RLF: variants seen among roughly 807,000 people sequenced by gnomAD.
The protein encoded by RLF is RLF zinc finger.
RLF carries 7 observed loss-of-function variants against 162.9 expected under a neutral mutation model. The ratio of observed to expected loss-of-function variants is 0.04; its 90% CI spans 0.02 to 0.08. The LOEUF (loss-of-function observed/expected upper bound fraction) is 0.08. RLF is among the 10% of genes least tolerant of loss of function. The probability of loss-of-function intolerance (pLI) is 1.00; values close to 1 mark genes in which losing one functional copy is unlikely to be tolerated. For synonymous variants in RLF, 782 were observed against 791.5 expected, an observed-to-expected ratio of 0.99 and a Z score of 0.20; for missense variants, 1,664 against 2,244.7, an observed-to-expected ratio of 0.74 and a Z score of 5.23.
chr1:40,178,969 G>T (rs1355648260), intron 1 of RLF, among the ~76,000 whole-genome samples: 6 of 152,034 alleles, frequency 3.9e-5, no homozygotes, highest in Admixed American at 3.3e-4. Flanking sequence ...TCAGTAGTTG[G>T]GACTACAGGC....
chr1:40,225,144 A>C (rs970233411), intron 6 of RLF, among the ~76,000 whole-genome samples: 1 of 152,178 alleles, frequency 6.6e-6, no homozygotes, highest in Admixed American at 6.5e-5. Flanking sequence ...AGATATCAGT[A>C]TTTTTTAAAT....
intron 5 of RLF, among the ~76,000 whole-genome samples, chr1:40,205,770 C>T (rs1333602157): frequency 2.0e-5 from 3 of 152,148 alleles, no homozygotes; most frequent in Non-Finnish European, 2.9e-5. Context: ...GGATTACAGG[C>T]GTGAGCCACG....
intron 1 of RLF, among the ~76,000 whole-genome samples, chr1:40,187,726 A>G (rs1642501035): frequency 6.6e-6 from 1 of 151,964 alleles, no homozygotes; most frequent in Non-Finnish European, 1.5e-5. Context: ...CTTTTTTTAA[A>G]TGTTAAAGTA....
chr1:40,163,670 T>C (rs1371707984), intron 1 of RLF, among the ~76,000 whole-genome samples: 1 of 152,224 alleles, frequency 6.6e-6, no homozygotes, highest in East Asian at 1.9e-4. Flanking sequence ...CAAGTATTCC[T>C]GTAACACTGT....
chr1:40,238,899 C>T lies in RLF; in HGVS notation c.4197C>T (p.Ser1399=), dbSNP rs892063799. Residue 1399 remains serine (S), a synonymous_variant, in exon 8 of 8, where the codon TCC becomes TCT. Transcript: ENST00000372771. This position sits in a 1 kb window ranked among gnomAD's most constrained non-coding sequence, Gnocchi z 5.2. ...LDHIEEPKVL[S]EAGSAARFSC... ...ATATTGAAGAGCCTAAAGTACTTTCCGAAGCTGGATCTGCAGCAAGGTTTT... is the reference window on the plus strand; with the variant it reads ...ATATTGAAGAGCCTAAAGTACTTTCTGAAGCTGGATCTGCAGCAAGGTTTT... The T allele has an allele frequency of 1.1e-5, 18 of 1,614,060 alleles. No homozygotes were observed. The highest frequency in any genetic ancestry group is 1.4e-5 in the Non-Finnish European group (16 of 1,180,032).
chr1:40,240,086 A>T lies in RLF; in HGVS notation c.5384A>T (p.His1795Leu). The change falls in exon 8 of 8, where the codon CAC becomes CTC. Residue 1795 changes from histidine (H) to leucine (L), a missense_variant. His to Leu is a moderately conservative substitution (Grantham distance 99, BLOSUM62 -3). Around this residue, in one of 15 missense-constraint regions of RLF, gnomAD observed 327 missense variants for 342.7 expected, o/e 0.95. Coordinates refer to ENST00000372771, the MANE Select transcript of RLF (RefSeq NM_012421.4). ...DDFDDWEPSE[H>L]LTLSNSSQSS... ...TTTGATGATTGGGAGCCTTCAGAGC[A>T]CTTAACATTAAGTAATTCTTCACAG... 1 of 1,614,114 alleles carries T rather than the reference A, an allele frequency of 6.2e-7. No homozygotes were observed. The highest frequency in any genetic ancestry group is 8.5e-7 in the Non-Finnish European group (1 of 1,179,958).
In RLF at chr1:40,239,588, C is replaced by T. The variant is rs34123123; in HGVS notation, c.4886C>T (p.Pro1629Leu). 8.3e-4 allele frequency: 1,342 copies of T among 1,614,098 alleles called. 12 individuals carry two copies. The African/African-American group carries it at 0.016, about 20-fold the overall frequency. Reference protein sequence around the residue: ...ESERTEHSHSPGDSSAPIQNT... With the variant: ...ESERTEHSHSLGDSSAPIQNT... ...GAGCGCACAGAACACAGCCATTCCC[C>T]GGGTGACAGTAGTGCACCCATCCAG... Residue 1629 changes from proline (P) to leucine (L), a missense_variant, in exon 8 of 8, where the codon CCG becomes CTG. Pro to Leu is a moderately conservative substitution (Grantham distance 98). Transcript: ENST00000372771.
At chr1:40,177,448 C>T (rs1642343140) in intron 1 of RLF, among the ~76,000 whole-genome samples, 1 of 151,998 alleles carries the variant, frequency 6.6e-6, no homozygotes, top group South Asian at 2.1e-4. Flanking sequence ...CGCCACCACG[C>T]CTGGCTAATT....
intron 5 of RLF, among the ~76,000 whole-genome samples, chr1:40,211,324 G>T (rs1205841737): frequency 1.6e-4 from 24 of 152,178 alleles, no homozygotes; most frequent in Non-Finnish European, 1.5e-5. Flanking sequence ...TAATTAGAAA[G>T]GCCAAGCCCA....
At chr1:40,165,525 T>C (rs1642152574) in intron 1 of RLF, among the ~76,000 whole-genome samples, 1 of 152,208 alleles carries the variant, frequency 6.6e-6, no homozygotes, top group South Asian at 2.1e-4. Context: ...ATCCCTTCTG[T>C]GAAGCTTTTC....
intron 1 of RLF, among the ~76,000 whole-genome samples, chr1:40,179,753 C>T (rs1190475314): frequency 6.6e-6 from 1 of 152,128 alleles, no homozygotes; most frequent in Non-Finnish European, 1.5e-5. Flanking sequence ...ACTCCCCATT[C>T]CCTTTTTTCT....
At chr1:40,195,802 T>C (rs374382042) in intron 4 of RLF, 38 bp downstream of exon 4, 150 of 1,579,442 alleles carry the variant, frequency 9.5e-5, no homozygotes, top group Middle Eastern at 7.2e-4. Flanking sequence ...GATTTAGTTC[T>C]GAGAACGTTG....
At chr1:40,191,709 C>A (rs893613207) in intron 3 of RLF, among the ~76,000 whole-genome samples, 2 of 152,046 alleles carry the variant, frequency 1.3e-5, no homozygotes, top group Non-Finnish European at 2.9e-5. Context: ...AGGGCTCATC[C>A]CTAAAATAAT....
chr1:40,208,224 G>T (rs1642822105), intron 5 of RLF, among the ~76,000 whole-genome samples: 1 of 152,216 alleles, frequency 6.6e-6, no homozygotes, highest in Non-Finnish European at 1.5e-5. Flanking sequence ...TTACACAGGA[G>T]CACAGATACG....
intron 5 of RLF, among the ~76,000 whole-genome samples, chr1:40,213,287 AT>A (rs1642885661): frequency 6.6e-6 from 1 of 152,096 alleles, no homozygotes; most frequent in South Asian, 2.1e-4. Context: ...ATGTGTGGGT[AT>A]TTTGGTTGGT....
At position 40,239,002 on chromosome 1, in the gene RLF, A is replaced by C; in HGVS notation, c.4300A>C (p.Ile1434Leu). The C allele has an allele frequency of 6.2e-7, 1 of 1,614,186 alleles. No homozygotes were observed. The highest frequency in any genetic ancestry group is 8.5e-7 in the Non-Finnish European group (1 of 1,180,006). The change falls in exon 8 of 8, where the codon ATT becomes CTT. Residue 1434 changes from isoleucine (I) to leucine (L), a missense_variant. Transcript: ENST00000372771. ...LKHHLMEQHNIEGEIHSDYEI... is the reference protein window; with the variant it reads ...LKHHLMEQHNLEGEIHSDYEI... ...GCACCACTTGATGGAACAGCATAAT[A>C]TTGAAGGGGAAATACATTCAGATTA...
intron 5 of RLF, among the ~76,000 whole-genome samples, chr1:40,220,926 A>C (rs2124552885): frequency 6.6e-6 from 1 of 150,936 alleles, no homozygotes; most frequent in South Asian, 2.1e-4. Flanking sequence ...CAGGAGTTTG[A>C]GACCAGCCTG....
At chr1:40,191,049 T>C (rs1279312904) in intron 3 of RLF, among the ~76,000 whole-genome samples, 196 bp downstream of exon 3, 1 of 152,172 alleles carries the variant, frequency 6.6e-6, no homozygotes, top group Non-Finnish European at 1.5e-5. Flanking sequence ...TTTGTTTGCC[T>C]CTACATAGTT....
intron 3 of RLF, among the ~76,000 whole-genome samples, chr1:40,192,122 G>A (rs188486792): frequency 3.3e-4 from 51 of 152,288 alleles, no homozygotes; most frequent in Non-Finnish European, 5.9e-4. Flanking sequence ...TCTTTGTCAT[G>A]TTCTTGGCCT....
Sources: gnomAD v4.1 joint callset for allele counts (sites outside exome capture counted in the v4.1 genomes callset) on GRCh38, gnomAD v4.1.1 for gene constraint, gnomAD v4.1.1 regional missense constraint, Gnocchi (gnomAD v3.1) non-coding constraint, MANE v1.5 for transcripts, NCBI Gene and HGNC (gene_info 2026-07-23, HGNC 2026-07-21) for gene names.